The following PHF24 variants were observed in gnomAD, a reference collection of about 807,000 sequenced individuals.
PHF24 encodes the protein PHD finger protein 24.
PHF24 carries 25 observed loss-of-function variants against 42.6 expected under a neutral mutation model. The ratio of observed to expected loss-of-function variants is 0.59; its 90% CI spans 0.43 to 0.82. PHF24 has a LOEUF of 0.82. PHF24 is among the 40% of genes least tolerant of loss of function. The pLI, the probability that PHF24 is intolerant of heterozygous loss-of-function variation, is 0.00. For synonymous variants in PHF24, 185 were observed against 204.8 expected (o/e 0.90, Z 0.83); for missense variants, 470 against 538.1 (o/e 0.87, Z 1.25).
At chr9:34,757,383 C>A in the PHF24 span, among the ~76,000 whole-genome samples, 2 of 151,898 alleles carry the variant, frequency 1.3e-5, no homozygotes, top group Admixed American at 1.3e-4. Context: ...TTGTATCCTG[C>A]AACTTTGCTG....
the PHF24 span, among the ~76,000 whole-genome samples, chr9:34,708,010 C>G: frequency 0.11 from 17,108 of 152,074 alleles, 2,024 homozygotes; most frequent in African/African-American, 0.3. Context: ...GATTACAGGC[C>G]TGAGCCACCG....
chr9:34,788,882 G>A, the PHF24 span, among the ~76,000 whole-genome samples: 1 of 152,344 alleles, frequency 6.6e-6, no homozygotes, highest in South Asian at 2.1e-4. Context: ...TCACTCTGCA[G>A]TTAACCTGTC....
chr9:34,728,067 C>T, the PHF24 span: 876 of 1,551,902 alleles, frequency 5.6e-4, 8 homozygotes, highest in South Asian at 9.5e-3. Context: ...AGCTTCTTCC[C>T]GGGAACGTCT....
the PHF24 span, chr9:34,894,416 G>T: frequency 1.5e-5 from 6 of 398,448 alleles, no homozygotes; most frequent in Non-Finnish European, 2.2e-5. Context: ...TAGCAGCTGG[G>T]AGACTGCAAA....
the PHF24 span, among the ~76,000 whole-genome samples, chr9:34,787,763 T>C: frequency 1.3e-5 from 2 of 152,134 alleles, no homozygotes; most frequent in African/African-American, 4.8e-5. Context: ...TCATGTGCCT[T>C]ATCCTTTCCT....
chr9:34,802,206 C>T, the PHF24 span, among the ~76,000 whole-genome samples: 3 of 70,208 alleles, frequency 4.3e-5, no homozygotes, highest in African/African-American at 1.2e-4. Context: ...CAACACTCTC[C>T]TCTGGAGACC....
the PHF24 span, among the ~76,000 whole-genome samples, chr9:34,761,676 T>C: frequency 6.6e-6 from 1 of 152,118 alleles, no homozygotes; most frequent in Non-Finnish European, 1.5e-5. Flanking sequence ...TCATACTCTT[T>C]TGTGCTGTTT....
the PHF24 span, among the ~76,000 whole-genome samples, chr9:34,720,586 C>T: frequency 2.4e-4 from 36 of 152,152 alleles, no homozygotes; most frequent in Non-Finnish European, 2.9e-5. Context: ...GGGATAATAG[C>T]TGTCCAAAAT....
chr9:34,751,420 T>C, the PHF24 span, among the ~76,000 whole-genome samples: 1 of 152,010 alleles, frequency 6.6e-6, no homozygotes, highest in Admixed American at 6.6e-5. Flanking sequence ...TCAGACAAAA[T>C]AGATTTGAAG....
chr9:34,766,822 C>G, the PHF24 span, among the ~76,000 whole-genome samples: 4 of 152,110 alleles, frequency 2.6e-5, no homozygotes, highest in Non-Finnish European at 5.9e-5. Flanking sequence ...TTTTCCCCAT[C>G]TTTGCGGTTT....
the PHF24 span, among the ~76,000 whole-genome samples, chr9:34,788,053 T>G: frequency 6.6e-6 from 1 of 152,016 alleles, no homozygotes; most frequent in African/African-American, 2.4e-5. Context: ...GTTTTGTTTT[T>G]TTGAGACAGG....
chr9:34,810,559 A>G, the PHF24 span, among the ~76,000 whole-genome samples: 8 of 152,126 alleles, frequency 5.3e-5, no homozygotes, highest in African/African-American at 1.7e-4. Flanking sequence ...TGGAGCCCCC[A>G]GAGGGCCCCC....
chr9:34,847,187 G>C, the PHF24 span, among the ~76,000 whole-genome samples: 1 of 152,140 alleles, frequency 6.6e-6, no homozygotes, highest in Non-Finnish European at 1.5e-5. Flanking sequence ...GAATTACCTT[G>C]GGCAGTATGG....
the PHF24 span, among the ~76,000 whole-genome samples, chr9:34,830,831 T>C: frequency 6.6e-6 from 1 of 152,212 alleles, no homozygotes; most frequent in African/African-American, 2.4e-5. Context: ...TCTTAGCAGC[T>C]CCTTGTAGAT....
the PHF24 span, among the ~76,000 whole-genome samples, chr9:34,713,536 C>G: frequency 3.3e-5 from 5 of 152,090 alleles, no homozygotes; most frequent in Non-Finnish European, 5.9e-5. Context: ...CAATCGGGCT[C>G]CAGACTTCTG....
chr9:34,976,107 T>G, intron 3 of PHF24, 45 bp from the exon 4 acceptor site: 1 of 1,418,024 alleles, frequency 7.1e-7, no homozygotes, highest in Non-Finnish European at 1.0e-6. Flanking sequence ...CTGGCCTTTC[T>G]TACTGGCCTG....
the PHF24 span, among the ~76,000 whole-genome samples, chr9:34,925,829 T>C: frequency 6.6e-6 from 1 of 152,334 alleles, no homozygotes; most frequent in East Asian, 1.9e-4. Flanking sequence ...GTCTTTTTCC[T>C]TTAGAGGTGA....
chr9:34,750,115 C>CA, the PHF24 span, among the ~76,000 whole-genome samples: 135 of 152,028 alleles, frequency 8.9e-4, no homozygotes, highest in Non-Finnish European at 1.6e-3. Flanking sequence ...TAATGAGCAG[C>CA]AAAAAATGAT....
chr9:34,802,234 A>G, the PHF24 span, among the ~76,000 whole-genome samples: 1,706 of 152,152 alleles, frequency 0.011, 34 homozygotes, highest in African/African-American at 0.037. Context: ...GCTCCACTCC[A>G]TGTGGTTCTC....
Sources: gnomAD v4.1 joint callset for allele counts (sites outside exome capture counted in the v4.1 genomes callset) on GRCh38, gnomAD v4.1.1 for gene constraint, MANE v1.5 for transcripts, NCBI Gene and HGNC (gene_info 2026-07-23, HGNC 2026-07-21) for gene names.